SLC6A14: variants seen among roughly 807,000 people sequenced by gnomAD.
SLC6A14 encodes the protein solute carrier family 6 member 14.
SLC6A14 carries 21 observed loss-of-function variants against 51.4 expected under a neutral mutation model. The observed-to-expected ratio is 0.41, with a 90% CI of 0.29 to 0.59. The LOEUF is 0.59. SLC6A14 is among the 20% of genes least tolerant of loss of function. The pLI is 0.31. For missense variants in SLC6A14, 371 were observed against 472.8 expected, an observed-to-expected ratio of 0.78 and a Z score of 2.00; for synonymous variants, 177 against 160.7, an observed-to-expected ratio of 1.10 and a Z score of -0.77.
intron 13 of SLC6A14, among the ~76,000 whole-genome samples, chrX:116,458,050 G>C (rs1927968602): frequency 9.0e-6 from 1 of 111,595 alleles, no homozygotes; most frequent in African/African-American, 3.3e-5. Context: ...GCCTTGCTAC[G>C]GTGCTTAGCA....
rs141452652 is a variant in SLC6A14 at position 116,444,419 on chromosome X, T to C, written c.657-499T>C. 1.0e-3 allele frequency among the ~76,000 whole-genome samples: 112 copies of C among 111,553 alleles called. 1 individual carries two copies. The highest frequency in any genetic ancestry group is 3.3e-3 in the African/African-American group (103 of 30,815). On this transcript the variant is annotated intron_variant, in intron 5 of 13. Transcript: ENST00000598581. Reference sequence around the variant, plus strand: ...CAAGCTTAGAAATAAGATCCATGCATGTACCTAGTGAGAATCTTGGAATTT... The same window carrying C: ...CAAGCTTAGAAATAAGATCCATGCACGTACCTAGTGAGAATCTTGGAATTT...
chrX:116,443,661 G>A lies in SLC6A14; in HGVS notation c.527G>A (p.Ser176Asn), dbSNP rs1556693803. ...RSPIVTHCNV[S>N]TVNKGIQEII... ...TCTTTAGTAACTCACTGTAATGTGA[G>A]TACAGTGAATAAAGGAATACAAGAG... Residue 176 changes from serine (S) to asparagine (N), a missense_variant, in exon 5 of 14, where the codon AGT (serine) becomes AAT (asparagine). By Grantham distance (46) the Ser-to-Asn change is conservative. Coordinates refer to ENST00000598581, the MANE Select transcript of SLC6A14 (RefSeq NM_007231.5). The A allele has an allele frequency of 8.5e-7, 1 of 1,183,054 alleles. No individual in the cohort carries two copies.
At chrX:116,454,885 T>A (rs184383459) in intron 10 of SLC6A14, 92 bp from the exon 11 acceptor site, 158 of 664,704 alleles carry the variant, frequency 2.4e-4, no homozygotes, top group Admixed American at 1.6e-3. Flanking sequence ...GGAGCATATG[T>A]CAAGATCAAA....
intron 7 of SLC6A14, among the ~76,000 whole-genome samples, chrX:116,449,332 A>G (rs1927776306): frequency 9.0e-6 from 1 of 111,690 alleles, no homozygotes; most frequent in Admixed American, 9.6e-5. Context: ...ACCTAGCTAC[A>G]CATCATGGTA....
At chrX:116,449,815 A>G (rs1314832058) in intron 7 of SLC6A14, among the ~76,000 whole-genome samples, 1 of 111,995 alleles carries the variant, frequency 8.9e-6, no homozygotes, top group African/African-American at 3.2e-5. Flanking sequence ...GGCAATGCAG[A>G]TCAATAAGGG....
At chrX:116,455,507 T>A in intron 12 of SLC6A14, 41 bp downstream of exon 12, 1 of 841,910 alleles carries the variant, frequency 1.2e-6, no homozygotes, top group Non-Finnish European at 1.8e-6. Flanking sequence ...CGATAATACA[T>A]ATGTTCTAAG....
At position 116,436,628 on chromosome X, in the gene SLC6A14, C is replaced by G. The variant is rs1405680251; in HGVS notation, c.-82C>G. On this transcript the variant is annotated 5_prime_UTR_variant, in exon 1 of 14. Coordinates refer to ENST00000598581, the MANE Select transcript of SLC6A14 (RefSeq NM_007231.5). ...GGTGGCTCACTCTGGCAGGTAGGAA[C>G]AGGGGAGAGTGCACCTGCTACCAGT... 9.7e-7 allele frequency: 1 copy of G among 1,031,850 alleles called. No individual in the cohort carries two copies. The highest frequency in any genetic ancestry group is 2.8e-5 in the Admixed American group (1 of 35,717). 85.0% of individuals were successfully genotyped at this position (1,031,850 alleles called of 1,213,427 possible). A position where few individuals can be genotyped will look rare whatever the true frequency, so the allele number is the denominator to read the frequency against.
At chrX:116,441,279 A>C (rs193194200) in intron 3 of SLC6A14, among the ~76,000 whole-genome samples, 182 bp downstream of exon 3, 1 of 112,557 alleles carries the variant, frequency 8.9e-6, no homozygotes, top group Admixed American at 9.4e-5. Context: ...GCAGAATTTA[A>C]AAAATCAAAT....
At position 116,453,002 on chromosome X, in the gene SLC6A14, A is replaced by G; in HGVS notation, c.1160-15A>G. The stretch of plus-strand genomic sequence containing the variant: ...TTCTTGGTAACTAATTTATAATATC[A>G]TACATGTTTCGTAGGTTTTGATTTG... On this transcript the variant is annotated splice_polypyrimidine_tract_variant and intron_variant, in intron 8 of 13. Coordinates refer to ENST00000598581, the MANE Select transcript of SLC6A14 (RefSeq NM_007231.5). 8.7e-7 allele frequency: 1 copy of G among 1,146,643 alleles called. No individual in the cohort carries two copies. The allele number at this position is 1,146,643 out of a possible 1,213,427, so 94.5% of individuals were successfully genotyped here.
chrX:116,450,709 G>C (rs1927806505), intron 7 of SLC6A14, among the ~76,000 whole-genome samples: 1 of 112,075 alleles, frequency 8.9e-6, no homozygotes, highest in Non-Finnish European at 1.9e-5. Flanking sequence ...GGCCAAGGTG[G>C]TCAGATCACC....
rs782083540 is a variant in SLC6A14, at chrX:116,453,111, T to G, written c.1254T>G (p.Thr418=). 8.3e-7 allele frequency: 1 copy of G among 1,202,258 alleles called. No homozygotes were observed. The highest frequency in any genetic ancestry group is 3.0e-5 in the East Asian group (1 of 33,449). The change falls in exon 9 of 14, where the codon ACT becomes ACG. Residue 418 remains threonine (T), a synonymous_variant. Transcript: ENST00000598581. ...WSILFFFMLL[T]LGLDSQFASI... ...TATTATTTTTTTTCATGCTTTTAAC[T>G]TTGGGTCTCGATTCTCAGTTTGCTT...
intron 12 of SLC6A14, among the ~76,000 whole-genome samples, chrX:116,456,338 T>G (rs900342665): frequency 9.3e-6 from 1 of 108,039 alleles, no homozygotes; most frequent in Non-Finnish European, 1.9e-5. Flanking sequence ...AGGATTACAT[T>G]TTTTTTTTTA....
At chrX:116,458,296 T>A (rs150451464) in intron 13 of SLC6A14, among the ~76,000 whole-genome samples, 66 of 111,925 alleles carry the variant, frequency 5.9e-4, no homozygotes, top group Non-Finnish European at 1.1e-3. Flanking sequence ...TTATGACATC[T>A]CAGTAGGACA....
chrX:116,444,322 C>A (rs1295216514), intron 5 of SLC6A14, among the ~76,000 whole-genome samples: 1 of 111,652 alleles, frequency 9.0e-6, no homozygotes, highest in Non-Finnish European at 1.9e-5. Context: ...TGCTAAATGA[C>A]CTCTTCTTCA....
chrX:116,441,987 A>G (rs5905176), intron 3 of SLC6A14, among the ~76,000 whole-genome samples: 31,099 of 110,984 alleles, frequency 0.28, 3,393 homozygotes, highest in Non-Finnish European at 0.33. Context: ...AATAAGATAC[A>G]AGCTTTGAAT....
chrX:116,454,058 AG>A (rs782327780), intron 9 of SLC6A14, among the ~76,000 whole-genome samples: 4 of 111,082 alleles, frequency 3.6e-5, no homozygotes, highest in Non-Finnish European at 7.6e-5. Context: ...TTCAGTTCAC[AG>A]GGGACTGTTA....
chrX:116,455,304 G>C, intron 11 of SLC6A14, 53 bp from the exon 12 acceptor site: 1 of 981,818 alleles, frequency 1.0e-6, no homozygotes, highest in Non-Finnish European at 1.4e-6. Flanking sequence ...TGCCATAATG[G>C]TTACTGGAAG....
intron 7 of SLC6A14, among the ~76,000 whole-genome samples, chrX:116,449,476 G>A (rs782211285): frequency 4.5e-5 from 5 of 111,098 alleles, no homozygotes; most frequent in African/African-American, 1.6e-4. Context: ...TGTTAATATG[G>A]GCAATGACCA....
intron 9 of SLC6A14, among the ~76,000 whole-genome samples, chrX:116,454,104 G>A (rs1431940367): frequency 1.8e-5 from 2 of 110,993 alleles, no homozygotes; most frequent in Non-Finnish European, 3.8e-5. Flanking sequence ...ATCATATAAA[G>A]CAGACTAAAA....
Sources: gnomAD v4.1 joint callset for allele counts (sites outside exome capture counted in the v4.1 genomes callset) on GRCh38, gnomAD v4.1.1 for gene constraint, MANE v1.5 for transcripts, NCBI Gene and HGNC (gene_info 2026-07-23, HGNC 2026-07-21) for gene names.